Variants in MRE11 observed in about 807,000 individuals in gnomAD.
MRE11 encodes the protein MRE11 double strand break repair nuclease.
Under a neutral mutation model 91.7 loss-of-function variants are expected in MRE11, and 62 were observed. That is an observed-to-expected ratio of 0.68 (90% CI 0.55 to 0.84). The LOEUF is 0.84. Ranked by LOEUF, MRE11 falls within the 40% of genes least tolerant of loss-of-function variation. The pLI is 0.00. For synonymous variants in MRE11, 273 were observed against 271.4 expected (o/e 1.01, Z -0.06); for missense variants, 796 against 852.9 (o/e 0.93, Z 0.83).
At chr11:94,432,344 T>A (rs1945483141) in intron 18 of MRE11, among the ~76,000 whole-genome samples, 1 of 152,216 alleles carries the variant, frequency 6.6e-6, no homozygotes, top group East Asian at 1.9e-4. Flanking sequence ...TTTTCTCATG[T>A]CTTTATTGTT....
intron 19 of MRE11, among the ~76,000 whole-genome samples, chr11:94,428,217 G>A (rs1459416974): frequency 6.6e-6 from 1 of 152,168 alleles, no homozygotes; most frequent in Non-Finnish European, 1.5e-5. Context: ...GAACAGAACA[G>A]AGAACTCAGA....
At chr11:94,490,806 T>C (rs1438468478) in intron 3 of MRE11, 27 bp downstream of exon 3, 2 of 1,612,458 alleles carry the variant, frequency 1.2e-6, no homozygotes, top group East Asian at 2.2e-5. Context: ...ATATGGTAGA[T>C]AGTGCACAAA....
intron 3 of MRE11, among the ~76,000 whole-genome samples, chr11:94,488,768 C>T (rs1180042112): frequency 1.3e-5 from 2 of 152,054 alleles, no homozygotes; most frequent in African/African-American, 4.8e-5. Flanking sequence ...AAGAGGGGAA[C>T]AACAGACACT....
chr11:94,432,822 C>G (rs889954138), intron 18 of MRE11, among the ~76,000 whole-genome samples: 2 of 152,106 alleles, frequency 1.3e-5, no homozygotes, highest in African/African-American at 4.8e-5. Flanking sequence ...CAAAACAAAA[C>G]AAAACGAAAC....
upstream of MRE11, chr11:94,498,254 G>C (rs767604254): frequency 5.0e-6 from 8 of 1,614,160 alleles, no homozygotes; most frequent in Non-Finnish European, 6.8e-6. Flanking sequence ...CCTGCACAGT[G>C]CTTGTAAGTG....
At chr11:94,455,903 ATTTAT>A (rs1946237251) in intron 14 of MRE11, among the ~76,000 whole-genome samples, 1 of 151,974 alleles carries the variant, frequency 6.6e-6, no homozygotes, top group African/African-American at 2.4e-5. Context: ...ATTTTTATTT[ATTTAT>A]TTTAGAGACA....
chr11:94,465,014 T>C (rs1946523431), intron 10 of MRE11, among the ~76,000 whole-genome samples: 2 of 152,178 alleles, frequency 1.3e-5, no homozygotes, highest in Non-Finnish European at 2.9e-5. Context: ...TATTTGTGTA[T>C]CATGTCTCTC....
intron 17 of MRE11, 45 bp downstream of exon 17, chr11:94,437,132 A>G: frequency 6.6e-7 from 1 of 1,512,256 alleles, no homozygotes; most frequent in Non-Finnish European, 9.1e-7. Flanking sequence ...CATAATGCAG[A>G]AAACATAAAT....
chr11:94,469,287 C>T (rs573974904), intron 9 of MRE11, among the ~76,000 whole-genome samples: 2 of 152,096 alleles, frequency 1.3e-5, no homozygotes, highest in African/African-American at 2.4e-5. Flanking sequence ...TTGATCATCA[C>T]GACCAGTTAG....
rs1322113451 is a variant in MRE11 at position 94,479,479 on chromosome 11, T to A, written c.402+195A>T. 2.0e-5 allele frequency among the ~76,000 whole-genome samples: 3 copies of A among 152,274 alleles called. No individual in the cohort carries two copies. The South Asian group carries it at 6.2e-4, about 32-fold the overall frequency. ...AGTATTAATGAAATAAAAGCATAGC[T>A]CATACACCAATTCTTATTTCAGATT... On this transcript the variant is annotated intron_variant, in intron 5 of 19. Transcript: ENST00000323929.
At chr11:94,486,339 A>G (rs1220999968) in intron 3 of MRE11, among the ~76,000 whole-genome samples, 2 of 152,226 alleles carry the variant, frequency 1.3e-5, no homozygotes, top group Non-Finnish European at 2.9e-5. Context: ...CAAGGTGATC[A>G]TATTTTTTCT....
rs570798850 is a variant in MRE11 at position 94,452,305 on chromosome 11, A to C, written c.1563+3971T>G. On this transcript the variant is annotated intron_variant, in intron 14 of 19. Transcript: ENST00000323929. ...TAAATACAAATGATTTATAAACATA[A>C]AAATTAGGCAGACTCATTAGTAAAA... Among the ~76,000 whole-genome samples the C allele has an allele frequency of 2.9e-3, 446 of 152,122 alleles. 2 individuals are homozygous for C. Among genetic ancestry groups the C allele is most frequent in the African/African-American group, 9.1e-3 (378 of 41,390 alleles).
At chr11:94,459,883 T>C (rs1238501345) in intron 12 of MRE11, among the ~76,000 whole-genome samples, 3 of 152,108 alleles carry the variant, frequency 2.0e-5, no homozygotes, top group Admixed American at 1.3e-4. Context: ...CCTAAAGATG[T>C]CCACGTCTTA....
At chr11:94,498,388 A>G (rs1228233202), upstream of MRE11, 10 of 1,613,102 alleles carry the variant, frequency 6.2e-6, no homozygotes, top group Non-Finnish European at 8.5e-6. Flanking sequence ...ATACCCTAGA[A>G]CTCCTCCTGA....
chr11:94,426,455 T>A (rs934775949), intron 19 of MRE11, among the ~76,000 whole-genome samples: 114 of 150,400 alleles, frequency 7.6e-4, no homozygotes, highest in African/African-American at 2.4e-3. Flanking sequence ...AAATTAACAA[T>A]TTGTTAATTT....
At chr11:94,435,268 A>G (rs906199686) in intron 18 of MRE11, among the ~76,000 whole-genome samples, 3 of 152,216 alleles carry the variant, frequency 2.0e-5, no homozygotes, top group African/African-American at 7.2e-5. Flanking sequence ...TAAGAAAAGC[A>G]CTGAGGCCAA....
At chr11:94,422,593 A>C (rs1382366976) in intron 19 of MRE11, among the ~76,000 whole-genome samples, 1 of 152,232 alleles carries the variant, frequency 6.6e-6, no homozygotes, top group Non-Finnish European at 1.5e-5. Context: ...AACTGAGTGA[A>C]TATCATATTT....
At chr11:94,428,458 C>G (rs114530077) in intron 19 of MRE11, among the ~76,000 whole-genome samples, 2,441 of 152,120 alleles carry the variant, frequency 0.016, 69 homozygotes, top group African/African-American at 0.056. Context: ...AAGAAAATAC[C>G]CTTCTCAACA....
chr11:94,499,937 CAG>C, the MRE11 span, among the ~76,000 whole-genome samples: 1 of 152,154 alleles, frequency 6.6e-6, no homozygotes, highest in Non-Finnish European at 1.5e-5. Context: ...TAGATCATCT[CAG>C]AAAAGTCAGA....
Sources: gnomAD v4.1 joint callset for allele counts (sites outside exome capture counted in the v4.1 genomes callset) on GRCh38, gnomAD v4.1.1 for gene constraint, MANE v1.5 for transcripts, NCBI Gene and HGNC (gene_info 2026-07-23, HGNC 2026-07-21) for gene names.